The following DPYD variants were observed in gnomAD, a reference collection of about 807,000 sequenced individuals.
DPYD encodes the protein dihydropyrimidine dehydrogenase [NADP(+)].
In DPYD, 109 loss-of-function variants were observed where a neutral mutation model predicts 116.2. The ratio of observed to expected loss-of-function variants is 0.94; its 90% CI spans 0.80 to 1.10. The LOEUF (loss-of-function observed/expected upper bound fraction) is 1.10, where lower values mean the gene tolerates loss of function less well. DPYD is among the 50% of genes least tolerant of loss of function. The probability of loss-of-function intolerance (pLI) is 0.00; values close to 1 mark genes in which losing one functional copy is unlikely to be tolerated. For missense variants in DPYD, 1,302 were observed against 1,254.5 expected, an observed-to-expected ratio of 1.04 and a Z score of -0.57; for synonymous variants, 440 against 432.0, an observed-to-expected ratio of 1.02 and a Z score of -0.23.
At chr1:97,809,689 A>G (rs1023102352) in intron 3 of DPYD, among the ~76,000 whole-genome samples, 8 of 152,164 alleles carry the variant, frequency 5.3e-5, no homozygotes, top group African/African-American at 1.4e-4. Context: ...AGTATACACA[A>G]TATCACAGAA....
intron 5 of DPYD, among the ~76,000 whole-genome samples, chr1:97,718,650 C>T (rs1483281911): frequency 2.6e-5 from 4 of 151,606 alleles, no homozygotes; most frequent in African/African-American, 9.7e-5. Context: ...ATTTTTTAAT[C>T]AGTAGAAGAG....
chr1:97,838,715 G>C (rs1407578277), intron 2 of DPYD, among the ~76,000 whole-genome samples: 1 of 151,988 alleles, frequency 6.6e-6, no homozygotes, highest in Non-Finnish European at 1.5e-5. Flanking sequence ...CGCGGTGGCG[G>C]GCGCCTGTAG....
intron 2 of DPYD, among the ~76,000 whole-genome samples, chr1:97,840,266 C>T (rs912649303): frequency 6.6e-6 from 1 of 151,936 alleles, no homozygotes; most frequent in African/African-American, 2.4e-5. Context: ...CCAGAACACC[C>T]TCTCCCTTAA....
At chr1:97,514,848 G>A (rs1180168528) in intron 13 of DPYD, among the ~76,000 whole-genome samples, 1 of 151,654 alleles carries the variant, frequency 6.6e-6, no homozygotes, top group African/African-American at 2.4e-5. Flanking sequence ...CTAGTAAGAG[G>A]AAAAAGAGAG....
At chr1:97,169,566 T>C (rs1557908411) in intron 20 of DPYD, among the ~76,000 whole-genome samples, 2 of 152,034 alleles carry the variant, frequency 1.3e-5, no homozygotes, top group African/African-American at 2.4e-5. Flanking sequence ...TTATTTGTTA[T>C]GGAGTTTTGC....
At chr1:97,209,279 T>C (rs1570675015) in intron 19 of DPYD, among the ~76,000 whole-genome samples, 2 of 152,284 alleles carry the variant, frequency 1.3e-5, no homozygotes, top group South Asian at 2.1e-4. Flanking sequence ...TTATGTGTTT[T>C]ATATTTCATT....
intron 19 of DPYD, among the ~76,000 whole-genome samples, chr1:97,193,452 T>C (rs1658529787): frequency 6.6e-6 from 1 of 152,098 alleles, no homozygotes; most frequent in Non-Finnish European, 1.5e-5. Flanking sequence ...ACAATGAACA[T>C]TTTTCATAAA....
chr1:97,115,302 C>T (rs965669064), intron 20 of DPYD, among the ~76,000 whole-genome samples: 1 of 152,144 alleles, frequency 6.6e-6, no homozygotes, highest in African/African-American at 2.4e-5. Flanking sequence ...AGAGAAAAGT[C>T]CTTGACTACC....
intron 13 of DPYD, among the ~76,000 whole-genome samples, chr1:97,500,936 C>T (rs562226625): frequency 4.6e-5 from 7 of 152,140 alleles, no homozygotes; most frequent in South Asian, 2.1e-4. Flanking sequence ...GCTGTGCAAG[C>T]GTACCCTAAT....
At chr1:97,364,061 C>T (rs1161760975) in intron 16 of DPYD, among the ~76,000 whole-genome samples, 1 of 151,990 alleles carries the variant, frequency 6.6e-6, no homozygotes, top group Non-Finnish European at 1.5e-5. Context: ...ATATCTATAT[C>T]TATACAGATA....
chr1:97,139,596 A>G (rs966328308), intron 20 of DPYD, among the ~76,000 whole-genome samples: 1 of 152,196 alleles, frequency 6.6e-6, no homozygotes, highest in Non-Finnish European at 1.5e-5. Context: ...TTTAAACGTC[A>G]TTACCACACT....
intron 3 of DPYD, among the ~76,000 whole-genome samples, chr1:97,810,286 C>CAAAAAAAAAAAA (rs71071672): frequency 1.4e-5 from 1 of 73,616 alleles, no homozygotes. Flanking sequence ...GACTCCATCT[C>CAAAAAAAAAAAA]AAAAAAAAAA....
chr1:97,661,563 C>A (rs1033679806), intron 8 of DPYD, among the ~76,000 whole-genome samples: 1 of 151,798 alleles, frequency 6.6e-6, no homozygotes, highest in Non-Finnish European at 1.5e-5. Context: ...ACATATACTA[C>A]GCTTTGATAA....
chr1:97,372,304 C>T (rs1267874563), intron 16 of DPYD, among the ~76,000 whole-genome samples: 2 of 152,136 alleles, frequency 1.3e-5, no homozygotes, highest in Non-Finnish European at 2.9e-5. Flanking sequence ...GAAAAGAATA[C>T]TAACTCAGCC....
chr1:97,394,890 A>T (rs1672926917), intron 14 of DPYD, among the ~76,000 whole-genome samples: 2 of 152,092 alleles, frequency 1.3e-5, no homozygotes, highest in Non-Finnish European at 2.9e-5. Context: ...TGACTTTGAA[A>T]CAAATGGTTA....
At chr1:97,352,468 C>T (rs1293584374) in intron 16 of DPYD, among the ~76,000 whole-genome samples, 1 of 151,486 alleles carries the variant, frequency 6.6e-6, no homozygotes, top group Non-Finnish European at 1.5e-5. Context: ...AATGAGCAGA[C>T]AGCTGGATTT....
intron 20 of DPYD, among the ~76,000 whole-genome samples, chr1:97,131,685 T>C (rs565899247): frequency 1.3e-5 from 2 of 152,096 alleles, no homozygotes; most frequent in Non-Finnish European, 2.9e-5. Context: ...TGATCACATA[T>C]GACTCAATAC....
intron 3 of DPYD, among the ~76,000 whole-genome samples, chr1:97,775,431 GA>G (rs1666344668): frequency 6.6e-6 from 1 of 152,034 alleles, no homozygotes. Flanking sequence ...TTATTGGCAG[GA>G]CTTTTCTTAA....
intron 8 of DPYD, among the ~76,000 whole-genome samples, chr1:97,596,039 G>T (rs149753878): frequency 6.6e-6 from 1 of 151,898 alleles, no homozygotes; most frequent in African/African-American, 2.4e-5. Flanking sequence ...ACTGACACAT[G>T]CAAATAAAGG....
Sources: gnomAD v4.1 joint callset for allele counts (sites outside exome capture counted in the v4.1 genomes callset) on GRCh38, gnomAD v4.1.1 for gene constraint, MANE v1.5 for transcripts, NCBI Gene and HGNC (gene_info 2026-07-23, HGNC 2026-07-21) for gene names.